NIPBL: variants seen among roughly 807,000 people sequenced by gnomAD.
The protein encoded by NIPBL is NIPBL cohesin loading factor.
A neutral mutation model predicts 321.8 loss-of-function variants in NIPBL; 19 were observed. The observed-to-expected ratio is 0.06, with a 90% confidence interval of 0.04 to 0.09. NIPBL has a LOEUF of 0.09. NIPBL is among the 10% of genes least tolerant of loss of function. NIPBL has a pLI of 1.00. For synonymous variants in NIPBL, 1,106 were observed against 1,114.1 expected (o/e 0.99, Z 0.14); for missense variants, 2,210 against 3,327.0 (o/e 0.66, Z 8.26).
In NIPBL at chr5:37,016,028, CT is replaced by C; in HGVS notation, c.4644-7del. The C allele has an allele frequency of 2.5e-6, 4 of 1,613,782 alleles. No individual in the cohort carries two copies. The highest frequency in any genetic ancestry group is 2.2e-5 in the South Asian group (2 of 91,070). ...AATTGACATCCTTTTCATTATTTGC[CT>C]TTGAACAGATGTGGTAGTAAGCAAG... On this transcript the variant is annotated splice_polypyrimidine_tract_variant and intron_variant, in intron 22 of 46. Transcript: ENST00000282516.
intron 1 of NIPBL, among the ~76,000 whole-genome samples, chr5:36,909,551 AATT>A (rs1480696909): frequency 1.3e-5 from 2 of 152,194 alleles, no homozygotes; most frequent in Non-Finnish European, 2.9e-5. Flanking sequence ...GGGCATAAAA[AATT>A]ATTTGCCAGG....
chr5:37,020,717 T>G (rs759105519), intron 26 of NIPBL, 44 bp downstream of exon 26: 1 of 1,598,940 alleles, frequency 6.3e-7, no homozygotes, highest in African/African-American at 1.3e-5. Flanking sequence ...CTCCTTGATA[T>G]CTATTTCCCT....
intron 9 of NIPBL, among the ~76,000 whole-genome samples, chr5:36,981,450 C>G (rs1744126533): frequency 6.6e-6 from 1 of 151,626 alleles, no homozygotes; most frequent in Non-Finnish European, 1.5e-5. Flanking sequence ...TCCCTTTGTC[C>G]TGTTCTCTCT....
intron 1 of NIPBL, among the ~76,000 whole-genome samples, chr5:36,942,496 T>C (rs1460736177): frequency 6.7e-6 from 1 of 148,372 alleles, no homozygotes; most frequent in East Asian, 2.0e-4. Flanking sequence ...ATCCAGCACT[T>C]TGGGAGGCCA....
At chr5:36,891,826 G>A (rs1292098719) in intron 1 of NIPBL, among the ~76,000 whole-genome samples, 2 of 152,076 alleles carry the variant, frequency 1.3e-5, no homozygotes. Context: ...TTAAGATGGG[G>A]GATTGTAGCG....
intron 1 of NIPBL, chr5:36,886,239 G>A: frequency 1.5e-6 from 1 of 662,652 alleles, no homozygotes; most frequent in South Asian, 1.5e-5. Context: ...TGCTGCACCT[G>A]GAGTCAGAGC....
At chr5:37,057,432 G>C in intron 43 of NIPBL, 100 bp downstream of exon 43, 1 of 1,200,804 alleles carries the variant, frequency 8.3e-7, no homozygotes, top group Non-Finnish European at 1.2e-6. Flanking sequence ...CTCTTCACGA[G>C]TATATAAAAT....
chr5:36,991,745 GT>G (rs34780358), intron 10 of NIPBL, among the ~76,000 whole-genome samples: 247 of 127,558 alleles, frequency 1.9e-3, no homozygotes, highest in East Asian at 5.4e-3. Flanking sequence ...GCCTGCCCAA[GT>G]TTTTTTTTTT....
rs1458071910 is a variant in NIPBL at position 36,953,701 on chromosome 5, A to G, written c.5A>G (p.Asn2Ser). ...ACACCATTCCAGAAATTCAGGATGA[A>G]TGGGGATATGCCCCATGTCCCCATT... Reference protein sequence around the residue: MNGDMPHVPITT... With the variant: MSGDMPHVPITT... Residue 2 changes from asparagine to serine, a missense_variant, in exon 2 of 47, where the codon AAT becomes AGT. Physicochemically the swap from Asn to Ser is conservative, Grantham distance 46. Around this residue, in one of 14 missense-constraint regions of NIPBL, gnomAD observed 28 missense variants for 65.5 expected, o/e 0.43. Coordinates refer to ENST00000282516, the MANE Select transcript of NIPBL (RefSeq NM_133433.4). The G allele has an allele frequency of 1.6e-5, 26 of 1,613,676 alleles. No individual in the cohort carries two copies. Among genetic ancestry groups the G allele is most frequent in the Non-Finnish European group, 2.0e-5 (24 of 1,179,696 alleles).
rs1743427994 is a variant in NIPBL, at chr5:36,976,186, G to C, written c.1279G>C (p.Ala427Pro). ...AQCLSQQEQTAFLPANQVPVL... is the reference protein window; with the variant it reads ...AQCLSQQEQTPFLPANQVPVL... ...ATGTTTGTCGCAGCAAGAACAAACA[G>C]CATTCCTTCCAGCAAATCAAGTGCC... Residue 427 changes from alanine (A) to proline (P), a missense_variant, in exon 9 of 47, where the codon GCA becomes CCA. Coordinates refer to ENST00000282516, the MANE Select transcript of NIPBL (RefSeq NM_133433.4). 28 of 1,612,670 alleles carry C rather than the reference G, an allele frequency of 1.7e-5. No individual in the cohort carries two copies. Among genetic ancestry groups the C allele is most frequent in the Non-Finnish European group, 2.1e-5 (25 of 1,179,280 alleles).
chr5:36,963,088 T>C (rs894140276), intron 6 of NIPBL, among the ~76,000 whole-genome samples: 3 of 152,162 alleles, frequency 2.0e-5, no homozygotes, highest in Non-Finnish European at 2.9e-5. Context: ...TGATTACTAG[T>C]TCTTAATGTC....
chr5:36,923,940 T>C lies in NIPBL; in HGVS notation c.-79-29678T>C, dbSNP rs1027823954. On this transcript the variant is annotated intron_variant, in intron 1 of 46. Coordinates refer to ENST00000282516, the MANE Select transcript of NIPBL (RefSeq NM_133433.4). ...ATTCCTGTTTTAAAGTGGTTAAGGA[T>C]TATATTTGCAAGTTCCAAGTTATCT... Among the ~76,000 whole-genome samples the C allele has an allele frequency of 1.2e-4, 19 of 152,200 alleles. 1 individual carries two copies. Among genetic ancestry groups the C allele is most frequent in the Non-Finnish European group, 2.5e-4 (17 of 68,008 alleles).
Position 36,984,890 on chromosome 5 carries a change from C to T in NIPBL, c.1710C>T (p.Ile570=), listed in dbSNP as rs374086000. 3.0e-5 allele frequency: 48 copies of T among 1,613,608 alleles called. No individual in the cohort carries two copies. The highest frequency in any genetic ancestry group is 3.9e-5 in the Non-Finnish European group (46 of 1,179,842). ...DSDSIKKPEE[I]KQCNDAPVSV... is the part of the protein sequence containing the mutation. Reference sequence around the variant, plus strand: ...ACTCCATAAAAAAGCCTGAAGAAATCAAACAATGTAATGATGCACCTGTTT... The same window carrying T: ...ACTCCATAAAAAAGCCTGAAGAAATTAAACAATGTAATGATGCACCTGTTT... The change falls in exon 10 of 47, where the codon ATC becomes ATT. Residue 570 remains isoleucine (I), a synonymous_variant. Transcript: ENST00000282516.
Position 37,046,168 on chromosome 5 carries a change from A to G in NIPBL, c.6558A>G (p.Glu2186=), listed in dbSNP as rs794727606. 6.3e-7 allele frequency: 1 copy of G among 1,581,190 alleles called. No homozygotes were observed. The highest frequency in any genetic ancestry group is 8.7e-7 in the Non-Finnish European group (1 of 1,150,232). ...TGTATTTTACAAAACACTCAGATGA[A>G]GAAGTACAAACAAAAGCTATCATTG... The part of the protein sequence containing the change: ...LLMYFTKHSD[E]EVQTKAIIGL... Residue 2186 remains glutamate (E), a synonymous_variant, in exon 38 of 47, where the codon GAA becomes GAG. Transcript: ENST00000282516.
At chr5:37,013,680 T>C (rs1439070835) in intron 21 of NIPBL, among the ~76,000 whole-genome samples, 1 of 150,994 alleles carries the variant, frequency 6.6e-6, no homozygotes, top group Non-Finnish European at 1.5e-5. Flanking sequence ...CCTCACTTCC[T>C]AGATGGGATG....
At chr5:37,044,832 A>T (rs1752808647) in intron 36 of NIPBL, 103 bp downstream of exon 36, 1 of 808,972 alleles carries the variant, frequency 1.2e-6, no homozygotes, top group African/African-American at 1.7e-5. Context: ...GGAAATTATG[A>T]GGTGTGATTA....
chr5:36,923,055 G>A (rs1045256682), intron 1 of NIPBL, among the ~76,000 whole-genome samples: 7 of 152,152 alleles, frequency 4.6e-5, no homozygotes, highest in Non-Finnish European at 5.9e-5. Context: ...TTGGGAGGCC[G>A]AGGCGGGCGG....
At chr5:37,002,798 T>A in intron 15 of NIPBL, 33 bp downstream of exon 15, 1 of 1,184,840 alleles carries the variant, frequency 8.4e-7, no homozygotes, top group East Asian at 2.4e-5. Context: ...ATAAATTTAC[T>A]TCATAGAAAC....
At chr5:36,953,803 T>G (rs992689499) in intron 2 of NIPBL, 43 bp downstream of exon 2, 11 of 1,486,626 alleles carry the variant, frequency 7.4e-6, no homozygotes, top group Non-Finnish European at 1.0e-5. Context: ...TACTGTGTGT[T>G]AACAATAATT....
Sources: allele counts gnomAD v4.1 joint callset (sites outside exome capture counted in the v4.1 genomes callset), GRCh38; gene constraint gnomAD v4.1.1; regional missense constraint gnomAD v4.1.1; transcripts MANE v1.5; gene names NCBI Gene and HGNC (gene_info 2026-07-23, HGNC 2026-07-21).